The following SHTN1 variants were observed in gnomAD, a reference collection of about 807,000 sequenced individuals.
SHTN1 encodes shootin 1.
Under a neutral mutation model 83.1 loss-of-function variants are expected in SHTN1, and 42 were observed. The observed-to-expected ratio is 0.51, with a 90% CI of 0.39 to 0.65. The LOEUF (loss-of-function observed/expected upper bound fraction) is 0.65. Among genes scored for constraint, SHTN1 ranks in the 30% least tolerant of loss-of-function variants. SHTN1 has a pLI of 0.00. For missense variants in SHTN1, 622 were observed against 737.8 expected (o/e 0.84, Z 1.82); for synonymous variants, 224 against 247.7 (o/e 0.90, Z 0.90).
upstream of SHTN1, among the ~76,000 whole-genome samples, chr10:117,006,941 T>C (rs1852025752): frequency 6.6e-6 from 1 of 152,140 alleles, no homozygotes; most frequent in Non-Finnish European, 1.5e-5. Context: ...TGCTTTCTCT[T>C]TCTCTAAAAT....
chr10:116,970,760 A>C (rs907554278), intron 2 of SHTN1, among the ~76,000 whole-genome samples: 2 of 151,818 alleles, frequency 1.3e-5, no homozygotes, highest in Admixed American at 6.6e-5. Context: ...TGCAGAAGAT[A>C]TATCAGATAT....
intron 14 of SHTN1, chr10:116,911,364 C>A: frequency 8.4e-7 from 1 of 1,186,016 alleles, no homozygotes; most frequent in Non-Finnish European, 1.1e-6. Context: ...CAGACTGTGA[C>A]CCTGATATGA....
At chr10:117,102,137 A>G (rs969750490) in intron 1 of SHTN1, among the ~76,000 whole-genome samples, 23 of 152,064 alleles carry the variant, frequency 1.5e-4, no homozygotes, top group African/African-American at 5.1e-4. Context: ...CAGTTAAGGA[A>G]CAGACCCTGC....
chr10:117,048,081 C>T (rs895635619), intron 2 of SHTN1, among the ~76,000 whole-genome samples: 1 of 151,918 alleles, frequency 6.6e-6, no homozygotes, highest in Non-Finnish European at 1.5e-5. Flanking sequence ...GGGCATAGTC[C>T]GGTGAAAAGA....
chr10:116,979,454 A>G, intron 1 of SHTN1, 146 bp from the exon 2 acceptor site: 1 of 644,236 alleles, frequency 1.6e-6, no homozygotes, highest in Non-Finnish European at 2.7e-6. Context: ...TCTGCTTTTT[A>G]TTTTTTTTAT....
At chr10:117,054,422 T>C (rs1294450654) in intron 1 of SHTN1, among the ~76,000 whole-genome samples, 1 of 151,120 alleles carries the variant, frequency 6.6e-6, no homozygotes, top group Non-Finnish European at 1.5e-5. Context: ...TTTTTTTTTT[T>C]TGAGATGGAG....
At chr10:116,937,292 G>C (rs947627565) in intron 9 of SHTN1, among the ~76,000 whole-genome samples, 5 of 152,134 alleles carry the variant, frequency 3.3e-5, no homozygotes, top group Non-Finnish European at 7.3e-5. Flanking sequence ...TTTTGCAGTA[G>C]CTGGTACCAG....
chr10:116,889,637 T>G (rs1847273588), intron 16 of SHTN1, among the ~76,000 whole-genome samples: 1 of 151,968 alleles, frequency 6.6e-6, no homozygotes, highest in Non-Finnish European at 1.5e-5. Context: ...AGTGGCAGAG[T>G]CAGAACAAGA....
At chr10:117,000,723 T>C (rs555882121) in intron 1 of SHTN1, among the ~76,000 whole-genome samples, 1 of 152,336 alleles carries the variant, frequency 6.6e-6, no homozygotes, top group East Asian at 1.9e-4. Context: ...TTTTGGACTA[T>C]TCCTCCAATC....
At chr10:117,045,084 T>C (rs1440019663) in intron 2 of SHTN1, among the ~76,000 whole-genome samples, 1 of 152,170 alleles carries the variant, frequency 6.6e-6, no homozygotes, top group East Asian at 1.9e-4. Context: ...TGCCAAGCCT[T>C]TCTATAAGAA....
At chr10:117,039,868 A>G (rs1308595619) in intron 2 of SHTN1, among the ~76,000 whole-genome samples, 1 of 151,676 alleles carries the variant, frequency 6.6e-6, no homozygotes, top group Non-Finnish European at 1.5e-5. Context: ...AAAAAAAAGA[A>G]AGAAAGAAAA....
intron 16 of SHTN1, among the ~76,000 whole-genome samples, chr10:116,891,650 C>A (rs1160911420): frequency 6.6e-6 from 1 of 152,066 alleles, no homozygotes; most frequent in Non-Finnish European, 1.5e-5. Context: ...CTGCAGTGAA[C>A]AGTAGTGGCA....
At chr10:117,083,366 C>A (rs929253130) in intron 1 of SHTN1, among the ~76,000 whole-genome samples, 1 of 148,778 alleles carries the variant, frequency 6.7e-6, no homozygotes, top group Admixed American at 6.7e-5. Flanking sequence ...TATTGGCCCC[C>A]ACTCTCTTCT....
intron 1 of SHTN1, among the ~76,000 whole-genome samples, chr10:116,996,131 T>C (rs1851619115): frequency 6.6e-6 from 1 of 152,372 alleles, no homozygotes; most frequent in East Asian, 1.9e-4. Flanking sequence ...CTGGTCTTAC[T>C]GATTCTTTTT....
chr10:117,000,207 A>AG (rs1253566571), intron 1 of SHTN1, among the ~76,000 whole-genome samples: 1 of 152,130 alleles, frequency 6.6e-6, no homozygotes, highest in African/African-American at 2.4e-5. Flanking sequence ...GGCTGATCTC[A>AG]TATGCACCCA....
chr10:117,112,584 G>A (rs1853783832), intron 1 of SHTN1, among the ~76,000 whole-genome samples: 1 of 152,188 alleles, frequency 6.6e-6, no homozygotes, highest in African/African-American at 2.4e-5. Flanking sequence ...TTTTATAGCT[G>A]AGGAAACAAA....
chr10:117,103,557 A>G (rs1278105191), intron 1 of SHTN1, among the ~76,000 whole-genome samples: 1 of 51,098 alleles, frequency 2.0e-5, no homozygotes, highest in African/African-American at 9.1e-5. Context: ...TTTTTTTTTG[A>G]GACGGAGTCT....
At chr10:117,121,325 C>A (rs1214306359) in intron 1 of SHTN1, among the ~76,000 whole-genome samples, 1 of 152,156 alleles carries the variant, frequency 6.6e-6, no homozygotes, top group Non-Finnish European at 1.5e-5. Context: ...CGCCTGTAAT[C>A]CCAGCAATTT....
chr10:116,975,207 C>G (rs548044893), intron 2 of SHTN1, among the ~76,000 whole-genome samples: 1 of 152,088 alleles, frequency 6.6e-6, no homozygotes, highest in African/African-American at 2.4e-5. Flanking sequence ...TGCTTATACT[C>G]TAATATTTTG....
Sources: allele counts gnomAD v4.1 joint callset (sites outside exome capture counted in the v4.1 genomes callset), GRCh38; gene constraint gnomAD v4.1.1; transcripts MANE v1.5; gene names NCBI Gene and HGNC (gene_info 2026-07-23, HGNC 2026-07-21).